The following CLEC16A variants were observed in gnomAD, a reference collection of about 807,000 sequenced individuals.
CLEC16A encodes C-type lectin domain containing 16A.
CLEC16A carries 51 observed loss-of-function variants against 109.5 expected under a neutral mutation model. That is an observed-to-expected ratio of 0.47 (90% CI 0.37 to 0.59). The LOEUF (loss-of-function observed/expected upper bound fraction) is 0.59. Among genes scored for constraint, CLEC16A ranks in the 20% least tolerant of loss-of-function variants. The pLI, the probability that CLEC16A is intolerant of heterozygous loss-of-function variation, is 0.00. For synonymous variants in CLEC16A, 673 were observed against 564.2 expected, an observed-to-expected ratio of 1.19 and a Z score of -2.73; for missense variants, 1,339 against 1,394.0, an observed-to-expected ratio of 0.96 and a Z score of 0.63.
At position 11,178,846 on chromosome 16, in the gene CLEC16A, C is replaced by A. The variant is rs2068869219; in HGVS notation, c.*156C>A. The A allele has an allele frequency of 3.5e-6, 2 of 577,990 alleles. No individual in the cohort carries two copies. Among genetic ancestry groups the A allele is most frequent in the South Asian group, 5.0e-5 (2 of 39,734 alleles). 35.8% of individuals were successfully genotyped at this position (577,990 alleles called of 1,614,324 possible). A position where few individuals can be genotyped will look rare whatever the true frequency, so the allele number is the denominator to read the frequency against. The stretch of plus-strand genomic sequence containing the variant: ...CTGCGCTCCCTTGAATGGGAAGAAG[C>A]CCCACGTTGTCCTTGAATTCCTTTT... On this transcript the variant is annotated 3_prime_UTR_variant, in exon 24 of 24. Transcript: ENST00000409790. The surrounding 1 kb of genome is among the most constrained non-coding windows in gnomAD (Gnocchi z 6.5).
At chr16:11,094,694 C>T (rs971543695) in intron 19 of CLEC16A, among the ~76,000 whole-genome samples, 2 of 152,196 alleles carry the variant, frequency 1.3e-5, no homozygotes, top group Non-Finnish European at 2.9e-5. Context: ...CCCCACTGCC[C>T]GAATATGCCT....
intron 19 of CLEC16A, among the ~76,000 whole-genome samples, chr16:11,074,384 T>A (rs976248161): frequency 6.6e-6 from 1 of 152,210 alleles, no homozygotes; most frequent in Non-Finnish European, 1.5e-5. Context: ...AGAAATGAAA[T>A]TTGTATCCTA....
chr16:11,010,166 G>A (rs1477910560), intron 11 of CLEC16A, among the ~76,000 whole-genome samples: 1 of 145,182 alleles, frequency 6.9e-6, no homozygotes, highest in African/African-American at 2.5e-5. Flanking sequence ...AAAAAAAGAA[G>A]ATGGTGCAAG....
intron 19 of CLEC16A, among the ~76,000 whole-genome samples, chr16:11,103,920 A>G (rs1399807852): frequency 6.6e-6 from 1 of 152,150 alleles, no homozygotes; most frequent in Non-Finnish European, 1.5e-5. Context: ...TCTGGGTTGG[A>G]TGTTAGCAGG....
chr16:11,039,694 C>G, intron 13 of CLEC16A, 60 bp from the exon 14 acceptor site: 1 of 1,538,078 alleles, frequency 6.5e-7, no homozygotes, highest in Non-Finnish European at 8.8e-7. Context: ...CAGGACCTTT[C>G]GGTATGAGGA....
intron 13 of CLEC16A, among the ~76,000 whole-genome samples, chr16:11,033,223 G>A (rs1025050150): frequency 6.6e-6 from 1 of 152,094 alleles, no homozygotes; most frequent in Non-Finnish European, 1.5e-5. Context: ...AATGGTGGGG[G>A]TGCATTTACT....
intron 11 of CLEC16A, among the ~76,000 whole-genome samples, chr16:11,019,482 CT>C (rs1567202839): frequency 2.6e-5 from 4 of 152,186 alleles, no homozygotes; most frequent in African/African-American, 9.7e-5. Context: ...ATGTAAGCAG[CT>C]TTAGGCCAGA....
intron 7 of CLEC16A, among the ~76,000 whole-genome samples, chr16:10,973,835 T>C (rs564592349): frequency 1.2e-4 from 17 of 146,660 alleles, no homozygotes; most frequent in Non-Finnish European, 2.2e-4. Flanking sequence ...CCTCCCAAAG[T>C]GCTAGGATTA....
At position 11,126,299 on chromosome 16, in the gene CLEC16A, G is replaced by A. The variant is rs142512196; in HGVS notation, c.2641+153G>A. 1.7e-4 allele frequency: 259 copies of A among 1,536,558 alleles called. 1 individual carries two copies. In the East Asian group the frequency reaches 4.2e-3, roughly 25 times the overall value. On this transcript the variant is annotated intron_variant, in intron 22 of 23. Coordinates refer to ENST00000409790, the MANE Select transcript of CLEC16A (RefSeq NM_015226.3). ...TTCTTAGAATTTGTCAAAGCACAGC[G>A]CAAGATTAAACACAGCCCCCAAAAT...
At chr16:11,021,952 A>G (rs983475177) in intron 12 of CLEC16A, among the ~76,000 whole-genome samples, 3 of 152,210 alleles carry the variant, frequency 2.0e-5, no homozygotes, top group Non-Finnish European at 4.4e-5. Flanking sequence ...CCCGCCACCA[A>G]AAAAAGGGTT....
At chr16:10,951,426 C>G (rs569749172) in intron 1 of CLEC16A, among the ~76,000 whole-genome samples, 1 of 152,192 alleles carries the variant, frequency 6.6e-6, no homozygotes, top group South Asian at 2.1e-4. Context: ...CATTCATAAC[C>G]TCATGTAAAT....
intron 10 of CLEC16A, among the ~76,000 whole-genome samples, chr16:11,000,413 C>T (rs1385816381): frequency 3.3e-5 from 5 of 152,170 alleles, no homozygotes; most frequent in Non-Finnish European, 5.9e-5. Context: ...TTTTGCCCTG[C>T]GCTTGGTCTC....
chr16:11,089,062 C>T (rs2050165433), intron 19 of CLEC16A, among the ~76,000 whole-genome samples: 1 of 152,158 alleles, frequency 6.6e-6, no homozygotes, highest in Admixed American at 6.5e-5. Context: ...GGAGGGTGTC[C>T]TTCTGGACCA....
intron 11 of CLEC16A, among the ~76,000 whole-genome samples, chr16:11,006,412 C>G (rs2045014396): frequency 1.3e-5 from 2 of 152,200 alleles, no homozygotes; most frequent in Non-Finnish European, 2.9e-5. Flanking sequence ...CTCTCAAGGC[C>G]ATCTTCTGCC....
chr16:11,016,256 G>A (rs2045740518), intron 11 of CLEC16A, among the ~76,000 whole-genome samples: 3 of 152,138 alleles, frequency 2.0e-5, no homozygotes, highest in Non-Finnish European at 4.4e-5. Flanking sequence ...GGTGCCTGAA[G>A]GAGGCTGGTG....
At chr16:10,962,187 G>T (rs537168743) in intron 2 of CLEC16A, among the ~76,000 whole-genome samples, 1 of 151,900 alleles carries the variant, frequency 6.6e-6, no homozygotes, top group East Asian at 1.9e-4. Context: ...GGCCTCAAGC[G>T]ATCATCCTGC....
chr16:11,062,338 G>A (rs961244293), intron 19 of CLEC16A, among the ~76,000 whole-genome samples: 2 of 152,260 alleles, frequency 1.3e-5, no homozygotes, highest in Admixed American at 6.5e-5. Context: ...AACTCCCCAA[G>A]GGTTAGTGTA....
At chr16:11,006,908 G>T (rs928312455) in intron 11 of CLEC16A, among the ~76,000 whole-genome samples, 1 of 151,942 alleles carries the variant, frequency 6.6e-6, no homozygotes, top group Non-Finnish European at 1.5e-5. Context: ...AAATCACAGG[G>T]CCCCTAAATT....
intron 14 of CLEC16A, chr16:11,041,720 G>C (rs185999141): frequency 6.5e-6 from 1 of 153,132 alleles, no homozygotes. Flanking sequence ...TGCTCAGCCC[G>C]GCACAAGGAG....
Sources: gnomAD v4.1 joint callset for allele counts (sites outside exome capture counted in the v4.1 genomes callset) on GRCh38, gnomAD v4.1.1 for gene constraint, Gnocchi (gnomAD v3.1) non-coding constraint, MANE v1.5 for transcripts, NCBI Gene and HGNC (gene_info 2026-07-23, HGNC 2026-07-21) for gene names.